The following UTS2B variants were observed in gnomAD, a reference collection of about 807,000 sequenced individuals.
The protein encoded by UTS2B is urotensin 2B, also known as urotensin-2B.
UTS2B carries 21 observed loss-of-function variants against 19.2 expected under a neutral mutation model. The observed-to-expected ratio is 1.09, with a 90% CI of 0.78 to 1.58. The LOEUF is 1.58. UTS2B is among the 40% of genes most tolerant of loss of function. The probability of loss-of-function intolerance (pLI) is 0.00; values close to 1 mark genes in which losing one functional copy is unlikely to be tolerated. For missense variants in UTS2B, 138 were observed against 130.3 expected, an observed-to-expected ratio of 1.06 and a Z score of -0.29; for synonymous variants, 57 against 50.2, an observed-to-expected ratio of 1.14 and a Z score of -0.58.
chr3:191,331,153 G>C (rs1003084382), upstream of UTS2B, among the ~76,000 whole-genome samples: 1 of 152,120 alleles, frequency 6.6e-6, no homozygotes, highest in African/African-American at 2.4e-5. Context: ...GGTATGTGTT[G>C]GGTTTGTCTC....
chr3:191,329,933 G>C (rs1349193827), intron 1 of UTS2B, among the ~76,000 whole-genome samples: 1 of 78,698 alleles, frequency 1.3e-5, no homozygotes, highest in Non-Finnish European at 2.2e-5. Flanking sequence ...TTTTTCTCAA[G>C]GGGGTGGTTG....
At chr3:191,309,790 G>C (rs960433586) in intron 3 of UTS2B, among the ~76,000 whole-genome samples, 4 of 152,224 alleles carry the variant, frequency 2.6e-5, no homozygotes, top group African/African-American at 9.6e-5. Flanking sequence ...TGTATGAAAT[G>C]CCTCGCTTCC....
the UTS2B span, among the ~76,000 whole-genome samples, chr3:191,338,761 A>G: frequency 6.6e-6 from 1 of 152,166 alleles, no homozygotes; most frequent in Non-Finnish European, 1.5e-5. Context: ...CCAGCTCTCA[A>G]ATTTCTATAA....
intron 4 of UTS2B, among the ~76,000 whole-genome samples, chr3:191,284,495 TGTTTTTAGTAGAGACGGG>T (rs1716479951): frequency 6.9e-6 from 1 of 145,392 alleles, no homozygotes; most frequent in Admixed American, 7.0e-5. Context: ...CTAATTTTTG[TGTTTTTAGTAGAGACGGG>T]GTTTCACCAT....
chr3:191,314,500 T>C (rs1446275889), intron 3 of UTS2B, among the ~76,000 whole-genome samples: 1 of 152,246 alleles, frequency 6.6e-6, no homozygotes, highest in Non-Finnish European at 1.5e-5. Context: ...CATTGTGATA[T>C]TGTGAAACAT....
At position 191,267,962 on chromosome 3, in the gene UTS2B, G is replaced by C. The variant is rs1372449202; in HGVS notation, c.*454C>G. ...GGACATGAAGCTAGACAACCGCTTA[G>C]ACCAGAAATTCTCAGAAGGAAATAT... On this transcript the variant is annotated 3_prime_UTR_variant, in exon 9 of 9. Transcript: ENST00000340524. 6.6e-6 allele frequency: 1 copy of C among 152,358 alleles called. No homozygotes were observed. Among genetic ancestry groups the C allele is most frequent in the Non-Finnish European group, 1.5e-5 (1 of 68,168 alleles). 9.4% of individuals were successfully genotyped at this position (152,358 alleles called of 1,614,324 possible).
intron 4 of UTS2B, among the ~76,000 whole-genome samples, chr3:191,301,428 G>C (rs1716995097): frequency 6.6e-6 from 1 of 151,304 alleles, no homozygotes; most frequent in African/African-American, 2.4e-5. Flanking sequence ...TTGAGTTATA[G>C]ATGAAGTTAG....
intron 1 of UTS2B, 54 bp from the exon 2 acceptor site, chr3:191,328,763 T>C (rs940164857): frequency 1.3e-5 from 2 of 152,316 alleles, no homozygotes; most frequent in South Asian, 2.1e-4. Context: ...TGCAGCGCTA[T>C]AACAGAGATA....
At chr3:191,322,282 A>G (rs1717632688) in intron 2 of UTS2B, among the ~76,000 whole-genome samples, 1 of 152,186 alleles carries the variant, frequency 6.6e-6, no homozygotes, top group Admixed American at 6.5e-5. Context: ...CTTTTCCACA[A>G]TGTGGTCAGT....
intron 2 of UTS2B, among the ~76,000 whole-genome samples, chr3:191,323,891 G>A (rs1355776946): frequency 6.6e-6 from 1 of 152,210 alleles, no homozygotes; most frequent in Non-Finnish European, 1.5e-5. Context: ...ATTTGAAATT[G>A]ACAAAGAATG....
At chr3:191,331,826 GC>G (rs1395949516), upstream of UTS2B, among the ~76,000 whole-genome samples, 2 of 152,160 alleles carry the variant, frequency 1.3e-5, no homozygotes, top group Non-Finnish European at 2.9e-5. Flanking sequence ...TGAAGCTTGT[GC>G]CCCTGATAGG....
chr3:191,272,845 AAGAGC>A (rs1216946933), intron 8 of UTS2B, among the ~76,000 whole-genome samples: 22 of 148,684 alleles, frequency 1.5e-4, no homozygotes, highest in African/African-American at 5.2e-4. Flanking sequence ...CCTAGGCAAC[AAGAGC>A]AAAACTCCGT....
intron 1 of UTS2B, chr3:191,329,731 C>T (rs759274331): frequency 5.6e-6 from 9 of 1,608,512 alleles, no homozygotes; most frequent in East Asian, 2.2e-5. Context: ...AAGGTAAGGG[C>T]CCCGGAGGGA....
Position 191,267,846 on chromosome 3 carries a change from A to G in UTS2B, c.*570T>C, listed in dbSNP as rs1299367330. On this transcript the variant is annotated 3_prime_UTR_variant, in exon 9 of 9. Transcript: ENST00000340524. ...ATTTCTAACAGAGCCTTAAAACAGAAACACAATCTTTCCATAACCTATGAT... is the reference window on the plus strand; with the variant it reads ...ATTTCTAACAGAGCCTTAAAACAGAGACACAATCTTTCCATAACCTATGAT... 1 of 152,246 alleles carries G rather than the reference A, an allele frequency of 6.6e-6. No individual in the cohort carries two copies. Among genetic ancestry groups the G allele is most frequent in the Non-Finnish European group, 1.5e-5 (1 of 68,056 alleles). The allele number at this position is 152,246 out of a possible 1,614,324, so 9.4% of individuals were successfully genotyped here.
In UTS2B at chr3:191,283,017, TC is replaced by T. The variant is rs201935765; in HGVS notation, c.-124-705del. ...CCAGTGATGTTATAGTATAATGACC[TC>T]CGATCTTGGCATTTACTTGTCCCAA... On this transcript the variant is annotated intron_variant, in intron 4 of 8. Coordinates refer to ENST00000340524, the MANE Select transcript of UTS2B (RefSeq NM_198152.5). Among the ~76,000 whole-genome samples, 427 of 152,304 alleles carry T rather than the reference TC, an allele frequency of 2.8e-3. 5 individuals carry two copies. Among genetic ancestry groups the T allele is most frequent in the East Asian group, 0.019 (100 of 5,184 alleles).
At chr3:191,309,001 C>T in intron 3 of UTS2B, among the ~76,000 whole-genome samples, 1 of 152,134 alleles carries the variant, frequency 6.6e-6, no homozygotes, top group East Asian at 1.9e-4. Context: ...ATATTTGATC[C>T]TCTATCCTAA....
intron 4 of UTS2B, among the ~76,000 whole-genome samples, chr3:191,287,768 A>AAAAG (rs1163600262): frequency 1.3e-5 from 2 of 152,098 alleles, no homozygotes; most frequent in Admixed American, 1.3e-4. Context: ...CAATCAGAAA[A>AAAAG]AAAGAAAGAA....
At position 191,272,636 on chromosome 3, in the gene UTS2B, G is replaced by C. The variant is rs182960318; in HGVS notation, c.334+2616C>G. 5.5e-3 allele frequency among the ~76,000 whole-genome samples: 833 copies of C among 152,216 alleles called. 2 individuals are homozygous for C. The highest frequency in any genetic ancestry group is 0.019 in the African/African-American group (775 of 41,526). The stretch of plus-strand genomic sequence containing the variant: ...AGCACTTTGGGAGGCAGAAGCGGGT[G>C]GATCACCTGAGGTCAGGAGTTCGAG... On this transcript the variant is annotated intron_variant, in intron 8 of 8. Transcript: ENST00000340524.
chr3:191,331,041 G>A (rs577309344), upstream of UTS2B, among the ~76,000 whole-genome samples: 42 of 152,348 alleles, frequency 2.8e-4, no homozygotes, highest in African/African-American at 9.6e-4. Flanking sequence ...TCAAGACTAA[G>A]GAGGCTGAGC....
Sources: allele counts gnomAD v4.1 joint callset (sites outside exome capture counted in the v4.1 genomes callset), GRCh38; gene constraint gnomAD v4.1.1; transcripts MANE v1.5; gene names NCBI Gene and HGNC (gene_info 2026-07-23, HGNC 2026-07-21).